The following FGF8 variants were observed in gnomAD, a reference collection of about 807,000 sequenced individuals.
FGF8 encodes androgen-induced growth factor.
In FGF8, 12 loss-of-function variants were observed where a neutral mutation model predicts 29.7. That is an observed-to-expected ratio of 0.40 (90% CI 0.26 to 0.65). FGF8 has a LOEUF of 0.65. Ranked by LOEUF, FGF8 falls within the 30% of genes least tolerant of loss-of-function variation. The pLI is 0.37. For missense variants in FGF8, 271 were observed against 345.1 expected (o/e 0.79, Z 1.70); for synonymous variants, 157 against 144.4 (o/e 1.09, Z -0.63).
Position 101,771,446 on chromosome 10 carries a change from G to A in FGF8, c.444+17C>T, listed in dbSNP as rs2065024376. The A allele has an allele frequency of 6.2e-7, 1 of 1,603,010 alleles. No homozygotes were observed. ...TCCCTAGGTCCCGCGGACCCCACCT[G>A]CCTGCTGGGGCCTCACCTTGGCGAT... is the stretch of plus-strand genomic sequence containing the variant. On this transcript the variant is annotated intron_variant, in intron 5 of 5. Coordinates refer to ENST00000320185, the MANE Select transcript of FGF8 (RefSeq NM_033163.5). This position sits in a 1 kb window ranked among gnomAD's most constrained non-coding sequence, Gnocchi z 5.3.
upstream of FGF8, among the ~76,000 whole-genome samples, chr10:101,776,323 C>T (rs1411186694): frequency 4.3e-3 from 326 of 75,758 alleles, 5 homozygotes; most frequent in African/African-American, 0.016. Context: ...GGGCGGCCGA[C>T]GGGTTCGGGA....
At position 101,771,810 on chromosome 10, in the gene FGF8, A is replaced by G. The variant is rs2065031906; in HGVS notation, c.338-241T>C. Among the ~76,000 whole-genome samples, 2 of 152,268 alleles carry G rather than the reference A, an allele frequency of 1.3e-5. No individual in the cohort carries two copies. Among genetic ancestry groups the G allele is most frequent in the African/African-American group, 4.8e-5 (2 of 41,474 alleles). Reference sequence around the variant, plus strand: ...TTATGGTTTTCAAACTGGGTTCTCAAGAGAGGTCTTGGGACTATCAAATTG... The same window carrying G: ...TTATGGTTTTCAAACTGGGTTCTCAGGAGAGGTCTTGGGACTATCAAATTG... On this transcript the variant is annotated intron_variant, in intron 4 of 5. Transcript: ENST00000320185. This position sits in a 1 kb window ranked among gnomAD's most constrained non-coding sequence, Gnocchi z 5.3.
upstream of FGF8, among the ~76,000 whole-genome samples, chr10:101,779,644 A>G (rs2065127498): frequency 6.6e-6 from 1 of 151,448 alleles, no homozygotes; most frequent in Admixed American, 6.6e-5. This position sits in a 1 kb window ranked among gnomAD's most constrained non-coding sequence, Gnocchi z 5.7. Context: ...CGAGAAATGC[A>G]AGGAGCGATC....
In FGF8 at chr10:101,770,387, G is replaced by A. The variant is rs772602922; in HGVS notation, c.677C>T (p.Pro226Leu). 8.7e-6 allele frequency: 14 copies of A among 1,605,028 alleles called. No homozygotes were observed. In the East Asian group the frequency reaches 1.1e-4, roughly 13 times the overall value. Residue 226 changes from proline (P) to leucine (L), a missense_variant, in exon 6 of 6, where the codon CCG (proline) becomes CTG (leucine). By Grantham distance (98) the Pro-to-Leu change is moderately conservative. Around this residue, in one of 3 missense-constraint regions of FGF8, gnomAD observed 62 missense variants for 58.1 expected, o/e 1.07. Coordinates refer to ENST00000320185, the MANE Select transcript of FGF8 (RefSeq NM_033163.5). ...GCCGCGCAGGCTGCGCGTGAAGGGC[G>A]GGTAGTTGAGGAACTCGAAGCGCAG... is the stretch of plus-strand genomic sequence containing the variant. ...QSLRFEFLNYPPFTRSLRGSQ... is the reference protein window; with the variant it reads ...QSLRFEFLNYLPFTRSLRGSQ...
Position 101,771,481 on chromosome 10 carries a change from C to G in FGF8, c.426G>C (p.Lys142Asn). The G allele has an allele frequency of 6.2e-7, 1 of 1,614,154 alleles. No individual in the cohort carries two copies. Among genetic ancestry groups the G allele is most frequent in the Non-Finnish European group, 8.5e-7 (1 of 1,179,966 alleles). ...GCCTCACCTTGGCGATCAGCTTCCC[C>G]TTCTTGTTCATGCAGATGTAGAGGC... ...ETGLYICMNKKGKLIAKSNGK... is the reference protein window; with the variant it reads ...ETGLYICMNKNGKLIAKSNGK... Residue 142 changes from lysine to asparagine, a missense_variant, in exon 5 of 6, where the codon AAG becomes AAC. By Grantham distance (94) the Lys-to-Asn change is moderately conservative (BLOSUM62 0). This residue lies in a region of FGF8 where 168 missense variants were observed against 207.0 expected (regional missense o/e 0.81). Transcript: ENST00000320185. This position sits in a 1 kb window ranked among gnomAD's most constrained non-coding sequence, Gnocchi z 5.3.
Position 101,775,485 on chromosome 10 carries a change from G to A in FGF8, c.69+255C>T. 1 of 603,970 alleles carries A rather than the reference G, an allele frequency of 1.7e-6. No individual in the cohort carries two copies. Among genetic ancestry groups the A allele is most frequent in the South Asian group, 2.0e-5 (1 of 50,580 alleles). 37.4% of individuals were successfully genotyped at this position (603,970 alleles called of 1,614,324 possible). A position where few individuals can be genotyped will look rare whatever the true frequency, so the allele number is the denominator to read the frequency against. On this transcript the variant is annotated intron_variant, in intron 2 of 5. Coordinates refer to ENST00000320185, the MANE Select transcript of FGF8 (RefSeq NM_033163.5). This position sits in a 1 kb window ranked among gnomAD's most constrained non-coding sequence, Gnocchi z 4.6. Reference sequence around the variant, plus strand: ...GTTCCCTATGCCCCCAGCCGGCGAGGATGCATGGGGGACAGTGCTGGGCTC... The same window carrying A: ...GTTCCCTATGCCCCCAGCCGGCGAGAATGCATGGGGGACAGTGCTGGGCTC...
At position 101,772,844 on chromosome 10, in the gene FGF8, C is replaced by T. The variant is rs1564631516; in HGVS notation, c.338-1275G>A. Among the ~76,000 whole-genome samples the T allele has an allele frequency of 6.6e-6, 1 of 152,174 alleles. No homozygotes were observed. The highest frequency in any genetic ancestry group is 2.4e-5 in the African/African-American group (1 of 41,440). ...GTCAGCAGGGAAATGCAGCTGTCACCTCCCTGCCTGCCCACCTCCTCCTGG... is the reference window on the plus strand; with the variant it reads ...GTCAGCAGGGAAATGCAGCTGTCACTTCCCTGCCTGCCCACCTCCTCCTGG... On this transcript the variant is annotated intron_variant, in intron 4 of 5. Transcript: ENST00000320185. This position sits in a 1 kb window ranked among gnomAD's most constrained non-coding sequence, Gnocchi z 4.4.
intron 4 of FGF8, 73 bp downstream of exon 4, chr10:101,774,659 C>T (rs2065065272): frequency 2.3e-6 from 3 of 1,319,032 alleles, no homozygotes; most frequent in Non-Finnish European, 3.2e-6. Flanking sequence ...ACCCTGCAGG[C>T]CCCCGGCCAG....
upstream of FGF8, among the ~76,000 whole-genome samples, chr10:101,776,854 CCACACACACACACACACA>C (rs71016347): frequency 8.1e-6 from 1 of 123,898 alleles, no homozygotes; most frequent in Non-Finnish European, 1.7e-5. Context: ...GTGCCCCTCA[CCACACACACACACACACA>C]CACACACACA....
chr10:101,775,712 GC>G lies in FGF8; in HGVS notation c.69+27del, dbSNP rs1464807476. On this transcript the variant is annotated intron_variant, in intron 2 of 5. Transcript: ENST00000320185. This position sits in a 1 kb window ranked among gnomAD's most constrained non-coding sequence, Gnocchi z 4.6. ...CCCGGGTCTCACACCGGCGCGCCCGGCCCCCGCCTCCGCGCACCCCTCCTCA... is the reference window on the plus strand; with the variant it reads ...CCCGGGTCTCACACCGGCGCGCCCGGCCCCGCCTCCGCGCACCCCTCCTCA... The G allele has an allele frequency of 6.5e-7, 1 of 1,541,336 alleles. No homozygotes were observed. Among genetic ancestry groups the G allele is most frequent in the Non-Finnish European group, 8.7e-7 (1 of 1,144,708 alleles).
At chr10:101,776,635 T>C (rs564560442), upstream of FGF8, among the ~76,000 whole-genome samples, 1 of 152,048 alleles carries the variant, frequency 6.6e-6, no homozygotes, top group South Asian at 2.1e-4. Flanking sequence ...GCCGGGCCCC[T>C]GGGAGCGGCC....
upstream of FGF8, among the ~76,000 whole-genome samples, chr10:101,777,792 T>G (rs2065111369): frequency 6.6e-6 from 1 of 152,236 alleles, no homozygotes; most frequent in South Asian, 2.1e-4. Context: ...ATGGGGGAAG[T>G]GGCTGAGCCT....
intron 4 of FGF8, among the ~76,000 whole-genome samples, 181 bp downstream of exon 4, chr10:101,774,551 T>C (rs2065064128): frequency 6.6e-6 from 1 of 152,174 alleles, no homozygotes; most frequent in South Asian, 2.1e-4. Flanking sequence ...GGGGCACCTG[T>C]GGCCAAGTAC....
At chr10:101,777,868 C>T (rs1043665481), upstream of FGF8, among the ~76,000 whole-genome samples, 1 of 152,262 alleles carries the variant, frequency 6.6e-6, no homozygotes, top group East Asian at 1.9e-4. Flanking sequence ...AACAGATTAT[C>T]ACCAGGAACA....
In FGF8 at chr10:101,775,920, C is replaced by A; in HGVS notation, c.-20G>T. 1 of 1,224,920 alleles carries A rather than the reference C, an allele frequency of 8.2e-7. No homozygotes were observed. Among genetic ancestry groups the A allele is most frequent in the Non-Finnish European group, 1.0e-6 (1 of 987,276 alleles). 75.9% of individuals were successfully genotyped at this position (1,224,920 alleles called of 1,614,324 possible). Reference sequence around the variant, plus strand: ...GCCCATGGCGCGCGGCCCCGGGGCACCGAGAGCCCGGCGGGTCACGCCGTC... The same window carrying A: ...GCCCATGGCGCGCGGCCCCGGGGCAACGAGAGCCCGGCGGGTCACGCCGTC... On this transcript the variant is annotated 5_prime_UTR_variant, in exon 1 of 6. Coordinates refer to ENST00000320185, the MANE Select transcript of FGF8 (RefSeq NM_033163.5). This position sits in a 1 kb window ranked among gnomAD's most constrained non-coding sequence, Gnocchi z 4.6.
Position 101,774,995 on chromosome 10 carries a change from C to T in FGF8, c.157-83G>A, listed in dbSNP as rs1338117110. On this transcript the variant is annotated intron_variant, in intron 3 of 5. Transcript: ENST00000320185. Reference sequence around the variant, plus strand: ...CCGAGTGGCCCCATCACCCTGCGTCCCCCTCACTGCCCCAAGCCGCCAGCA... The same window carrying T: ...CCGAGTGGCCCCATCACCCTGCGTCTCCCTCACTGCCCCAAGCCGCCAGCA... 2.0e-6 allele frequency: 3 copies of T among 1,531,588 alleles called. No homozygotes were observed. In the East Asian group the frequency reaches 6.8e-5, roughly 35 times the overall value. The allele number at this position is 1,531,588 out of a possible 1,614,324, so 94.9% of individuals were successfully genotyped here.
At chr10:101,774,386 G>A (rs948377884) in intron 4 of FGF8, among the ~76,000 whole-genome samples, 7 of 152,184 alleles carry the variant, frequency 4.6e-5, no homozygotes, top group Non-Finnish European at 8.8e-5. Flanking sequence ...CTCCTTTTGT[G>A]GGCCCTGGCG....
Position 101,775,054 on chromosome 10 carries a change from G to A in FGF8, c.156+76C>T, listed in dbSNP as rs1451998371. 3 of 1,501,262 alleles carry A rather than the reference G, an allele frequency of 2.0e-6. No individual in the cohort carries two copies. Among genetic ancestry groups the A allele is most frequent in the African/African-American group, 2.8e-5 (2 of 72,320 alleles). 93.0% of individuals were successfully genotyped at this position (1,501,262 alleles called of 1,614,324 possible). A position where few individuals can be genotyped will look rare whatever the true frequency, so the allele number is the denominator to read the frequency against. ...GGGTTCCCCCAACATGCCAGCCCAG[G>A]CCACCATCCCCCACCCACGCAAGTC... On this transcript the variant is annotated intron_variant, in intron 3 of 5. Transcript: ENST00000320185. This position sits in a 1 kb window ranked among gnomAD's most constrained non-coding sequence, Gnocchi z 4.6.
rs1361247370 is a variant in FGF8, at chr10:101,775,430, C to G, written c.70-214G>C. Reference sequence around the variant, plus strand: ...TGGCATCGAACATCCATCCCCTGGCCGCGGCTGCCCCCTTCCTCGGCGGCT... The same window carrying G: ...TGGCATCGAACATCCATCCCCTGGCGGCGGCTGCCCCCTTCCTCGGCGGCT... On this transcript the variant is annotated intron_variant, in intron 2 of 5. Transcript: ENST00000320185. This position sits in a 1 kb window ranked among gnomAD's most constrained non-coding sequence, Gnocchi z 4.6. 1 of 603,838 alleles carries G rather than the reference C, an allele frequency of 1.7e-6. No individual in the cohort carries two copies. The highest frequency in any genetic ancestry group is 1.9e-5 in the African/African-American group (1 of 53,928). The allele number at this position is 603,838 out of a possible 1,614,324, so 37.4% of individuals were successfully genotyped here.
Sources: gnomAD v4.1 joint callset for allele counts (sites outside exome capture counted in the v4.1 genomes callset) on GRCh38, gnomAD v4.1.1 for gene constraint, gnomAD v4.1.1 regional missense constraint, Gnocchi (gnomAD v3.1) non-coding constraint, MANE v1.5 for transcripts, NCBI Gene and HGNC (gene_info 2026-07-23, HGNC 2026-07-21) for gene names.